SMTN: variants seen among roughly 807,000 people sequenced by gnomAD.
The protein encoded by SMTN is smoothelin.
A neutral mutation model predicts 102.0 loss-of-function variants in SMTN; 58 were observed. That is an observed-to-expected ratio of 0.57 (90% CI 0.46 to 0.71). The LOEUF is 0.71. Ranked by LOEUF, SMTN falls within the 30% of genes least tolerant of loss-of-function variation. The pLI is 0.00. For synonymous variants in SMTN, 478 were observed against 497.9 expected, an observed-to-expected ratio of 0.96 and a Z score of 0.53; for missense variants, 1,185 against 1,241.7, an observed-to-expected ratio of 0.95 and a Z score of 0.69.
chr22:31,093,839 G>A lies in SMTN; in HGVS notation c.1633-1464G>A, dbSNP rs556303472. ...CACCCACCTGCCTTCAGCACCCGCC[G>A]CCGCTCCTCCACCGGCACCACCCGC... is the stretch of plus-strand genomic sequence containing the variant. On this transcript the variant is annotated intron_variant, in intron 11 of 20. Coordinates refer to ENST00000333137, the MANE Select transcript of SMTN (RefSeq NM_134269.3). 3.0e-5 allele frequency: 48 copies of A among 1,587,970 alleles called. No homozygotes were observed. In the East Asian group the frequency reaches 7.2e-4, roughly 24 times the overall value.
In SMTN at chr22:31,082,413, A is replaced by G. The variant is rs1160036265; in HGVS notation, c.-80-766A>G. 96 of 430,316 alleles carry G rather than the reference A, an allele frequency of 2.2e-4. 1 individual carries two copies. Among genetic ancestry groups the G allele is most frequent in the Non-Finnish European group, 7.9e-5 (16 of 203,340 alleles). 26.7% of individuals were successfully genotyped at this position (430,316 alleles called of 1,614,324 possible). A position where few individuals can be genotyped will look rare whatever the true frequency, so the allele number is the denominator to read the frequency against. The stretch of plus-strand genomic sequence containing the variant: ...GGGCACTTTGGAAGGGAGCTTCGGA[A>G]GCCGGAGATGACGAAGATTTTGATT... On this transcript the variant is annotated intron_variant, in intron 1 of 20. Coordinates refer to ENST00000333137, the MANE Select transcript of SMTN (RefSeq NM_134269.3).
chr22:31,078,544 G>A (rs2042184187), upstream of SMTN, among the ~76,000 whole-genome samples: 1 of 152,232 alleles, frequency 6.6e-6, no homozygotes, highest in African/African-American at 2.4e-5. Context: ...GTGCCCACAA[G>A]ATACATTCAT....
chr22:31,093,529 G>T, intron 11 of SMTN: 1 of 696,822 alleles, frequency 1.4e-6, no homozygotes. Flanking sequence ...GGAGCTGCGG[G>T]CGGTGGCTGA....
chr22:31,102,428 G>C (rs2147827697), intron 20 of SMTN: 2 of 152,490 alleles, frequency 1.3e-5, no homozygotes, highest in East Asian at 3.9e-4. Flanking sequence ...AGGAATGTGA[G>C]TCAGTGACAG....
chr22:31,072,464 T>C (rs2042026434), intron 1 of SMTN, among the ~76,000 whole-genome samples: 1 of 152,150 alleles, frequency 6.6e-6, no homozygotes, highest in South Asian at 2.1e-4. Context: ...GATTCTTTTT[T>C]TCTTTTTCTT....
Position 31,088,597 on chromosome 22 carries a change from G to T in SMTN, c.285G>T (p.Leu95Phe). Residue 95 changes from leucine (L) to phenylalanine (F), a missense_variant, in exon 4 of 21, where the codon TTG (leucine) becomes TTT (phenylalanine). Transcript: ENST00000333137. The part of the protein sequence containing the change: ...QLESMNDVEE[L>F]TALLRSAGEY... ...AGTCCATGAACGATGTGGAGGAATT[G>T]ACTGCACTGGTGAGGCCCAGGCTGG... The T allele has an allele frequency of 6.2e-7, 1 of 1,613,904 alleles. No homozygotes were observed. Among genetic ancestry groups the T allele is most frequent in the South Asian group, 1.1e-5 (1 of 91,048 alleles).
chr22:31,086,159 C>T (rs1485170620), intron 2 of SMTN, among the ~76,000 whole-genome samples: 5 of 152,210 alleles, frequency 3.3e-5, no homozygotes, highest in Non-Finnish European at 7.3e-5. Context: ...GCTATAAGGC[C>T]TCCTTAGGCC....
At position 31,088,245 on chromosome 22, in the gene SMTN, G is replaced by C. The variant is rs914230743; in HGVS notation, c.200+132G>C. ...TGCTAATGGCAGTACGTCCACACAC[G>C]CTTCTGGAAAAACAGAGATGTTTGT... On this transcript the variant is annotated intron_variant, in intron 3 of 20. Transcript: ENST00000333137. 8 of 1,096,870 alleles carry C rather than the reference G, an allele frequency of 7.3e-6. No homozygotes were observed. The Admixed American group carries it at 2.3e-4, about 31-fold the overall frequency. The allele number at this position is 1,096,870 out of a possible 1,614,324, so 67.9% of individuals were successfully genotyped here.
chr22:31,079,923 G>A (rs1569234595), upstream of SMTN, among the ~76,000 whole-genome samples: 1 of 152,086 alleles, frequency 6.6e-6, no homozygotes, highest in African/African-American at 2.4e-5. Flanking sequence ...CCACTTGCCC[G>A]ACTAATTTTT....
chr22:31,097,055 C>T lies in SMTN; in HGVS notation c.2084C>T (p.Ser695Leu), dbSNP rs772732474. ...GTGGAGTCGAGTTTCGTGAGGCGCT[C>T]GGAGAGTAAGGCCACCTGGTGTCGC... ...TTVESSFVRRSENGSGSTMMQ... is the reference protein window; with the variant it reads ...TTVESSFVRRLENGSGSTMMQ... Residue 695 changes from serine to leucine, a missense_variant, in exon 15 of 21, where the codon TCG (serine) becomes TTG (leucine). Physicochemically the swap from Ser to Leu is moderately radical, Grantham distance 145 (BLOSUM62 -2). Transcript: ENST00000333137. 15 of 1,613,850 alleles carry T rather than the reference C, an allele frequency of 9.3e-6. No homozygotes were observed. The highest frequency in any genetic ancestry group is 1.6e-4 in the Middle Eastern group (1 of 6,084).
chr22:31,075,698 G>A (rs2042112472), intron 1 of SMTN, among the ~76,000 whole-genome samples: 2 of 149,626 alleles, frequency 1.3e-5, no homozygotes, highest in South Asian at 2.1e-4. Flanking sequence ...AAAAAAAAAA[G>A]GAATAGTCTT....
intron 1 of SMTN, chr22:31,066,092 T>C (rs1305400019): frequency 6.6e-6 from 1 of 152,168 alleles, no homozygotes; most frequent in Non-Finnish European, 1.5e-5. Flanking sequence ...TAATAAATTT[T>C]GGAGACACAA....
At chr22:31,066,905 C>G (rs1450652566) in intron 1 of SMTN, 1 of 152,028 alleles carries the variant, frequency 6.6e-6, no homozygotes, top group African/African-American at 2.4e-5. Flanking sequence ...CAGGTGTACG[C>G]CACCATGCCT....
At chr22:31,093,798 C>G in intron 11 of SMTN, 1 of 1,593,334 alleles carries the variant, frequency 6.3e-7, no homozygotes, top group African/African-American at 1.3e-5. Flanking sequence ...CCGAGGATGC[C>G]GGGACCCCCG....
At chr22:31,104,070 T>C (rs946814926) in intron 20 of SMTN, 2 of 527,654 alleles carry the variant, frequency 3.8e-6, no homozygotes, top group Non-Finnish European at 3.4e-6. Flanking sequence ...CCTGCCTGAC[T>C]GGGATGGGGC....
chr22:31,095,262 A>G lies in SMTN; in HGVS notation c.1633-41A>G, dbSNP rs2043481886. 6.2e-7 allele frequency: 1 copy of G among 1,606,380 alleles called. No individual in the cohort carries two copies. The highest frequency in any genetic ancestry group is 1.1e-5 in the South Asian group (1 of 90,728). Reference sequence around the variant, plus strand: ...ATTGGAGACATGATGAGTTTCACCCATACCCCTGCTTAAAGTCCATGCCCT... The same window carrying G: ...ATTGGAGACATGATGAGTTTCACCCGTACCCCTGCTTAAAGTCCATGCCCT... On this transcript the variant is annotated intron_variant, in intron 11 of 20. Transcript: ENST00000333137. This position sits in a 1 kb window ranked among gnomAD's most constrained non-coding sequence, Gnocchi z 4.1.
intron 11 of SMTN, chr22:31,093,927 T>G: frequency 8.0e-7 from 1 of 1,253,274 alleles, no homozygotes. Flanking sequence ...AGGCTCTGCC[T>G]CCTCTTGACT....
intron 11 of SMTN, chr22:31,093,727 G>A (rs558155379): frequency 2.3e-6 from 3 of 1,331,716 alleles, no homozygotes; most frequent in South Asian, 2.4e-5. Context: ...CCTTGAGCCT[G>A]AGCTGGAGCC....
chr22:31,078,881 AAAAAAT>A (rs2042193233), upstream of SMTN, among the ~76,000 whole-genome samples: 1 of 151,906 alleles, frequency 6.6e-6, no homozygotes, highest in Admixed American at 6.6e-5. Context: ...CTGTCTCCAA[AAAAAAT>A]AAAATAAAAT....
Sources: gnomAD v4.1 joint callset for allele counts (sites outside exome capture counted in the v4.1 genomes callset) on GRCh38, gnomAD v4.1.1 for gene constraint, Gnocchi (gnomAD v3.1) non-coding constraint, MANE v1.5 for transcripts, NCBI Gene and HGNC (gene_info 2026-07-23, HGNC 2026-07-21) for gene names.